The following CNTN1 variants were observed in gnomAD, a reference collection of about 807,000 sequenced individuals.
The protein encoded by CNTN1 is contactin-1.
Under a neutral mutation model 126.4 loss-of-function variants are expected in CNTN1, and 38 were observed. The ratio of observed to expected loss-of-function variants is 0.30; its 90% CI spans 0.23 to 0.39. CNTN1 has a LOEUF of 0.39. CNTN1 is among the 10% of genes least tolerant of loss of function. The pLI is 1.00. For missense variants in CNTN1, 1,009 were observed against 1,248.4 expected (o/e 0.81, Z 2.89); for synonymous variants, 413 against 422.6 (o/e 0.98, Z 0.28).
chr12:40,820,192 A>T (rs533871042), intron 1 of CNTN1, among the ~76,000 whole-genome samples: 1 of 152,316 alleles, frequency 6.6e-6, no homozygotes, highest in African/African-American at 2.4e-5. Flanking sequence ...AGAGAGGGTG[A>T]GGAAGTACCA....
chr12:41,033,819 G>A (rs771133487), intron 23 of CNTN1, among the ~76,000 whole-genome samples: 9 of 151,028 alleles, frequency 6.0e-5, no homozygotes, highest in South Asian at 2.1e-4. Flanking sequence ...CAAGCGGATC[G>A]CGAGGTCAGG....
chr12:40,943,797 G>A (rs1027340580), intron 13 of CNTN1, 73 bp downstream of exon 13: 1 of 1,544,408 alleles, frequency 6.5e-7, no homozygotes, highest in East Asian at 2.3e-5. Context: ...CATCTAAACA[G>A]TCAATGTATT....
intron 23 of CNTN1, among the ~76,000 whole-genome samples, chr12:41,059,828 C>T (rs1298821816): frequency 2.0e-5 from 3 of 152,008 alleles, no homozygotes; most frequent in Non-Finnish European, 4.4e-5. Context: ...AGTTCCAGAC[C>T]AGCCTGGGCA....
chr12:40,980,206 G>A (rs974715054), intron 15 of CNTN1, among the ~76,000 whole-genome samples: 6 of 152,146 alleles, frequency 3.9e-5, no homozygotes, highest in Non-Finnish European at 8.8e-5. Flanking sequence ...GCCTAGGCAT[G>A]AGGATCACTT....
intron 20 of CNTN1, among the ~76,000 whole-genome samples, chr12:41,021,708 A>G (rs1316474686): frequency 6.6e-6 from 1 of 151,060 alleles, no homozygotes; most frequent in Non-Finnish European, 1.5e-5. Context: ...TCATCTATGC[A>G]AGGGTTCAGC....
At chr12:41,067,487 G>C (rs1369430194) in intron 23 of CNTN1, among the ~76,000 whole-genome samples, 2 of 151,890 alleles carry the variant, frequency 1.3e-5, no homozygotes, top group African/African-American at 4.8e-5. Context: ...AAAGGCTTCA[G>C]AATGATGATT....
rs145257404 is a variant in CNTN1 at position 40,724,572 on chromosome 12, A to G, written c.-77+31980A>G. 1.8e-3 allele frequency among the ~76,000 whole-genome samples: 267 copies of G among 152,330 alleles called. 1 individual carries two copies. Among genetic ancestry groups the G allele is most frequent in the South Asian group, 4.6e-3 (22 of 4,834 alleles). On this transcript the variant is annotated intron_variant, in intron 1 of 23. Transcript: ENST00000551295. ...GCTAGAAATATTTTGAAATAGATAC[A>G]TAAGTTTTTTGGAAGAACCTATCTC...
intron 14 of CNTN1, 63 bp from the exon 15 acceptor site, chr12:40,959,051 C>G: frequency 6.2e-7 from 1 of 1,605,152 alleles, no homozygotes; most frequent in South Asian, 1.1e-5. Context: ...CCTCTTGGAT[C>G]TTAAATGCCA....
intron 18 of CNTN1, 141 bp from the exon 19 acceptor site, chr12:41,016,540 TG>T: frequency 1.5e-6 from 1 of 668,410 alleles, no homozygotes; most frequent in Non-Finnish European, 2.7e-6. Flanking sequence ...GTTTTTCCTC[TG>T]ACATTTGGAA....
chr12:41,060,555 C>G (rs1426556071), intron 23 of CNTN1, among the ~76,000 whole-genome samples: 1 of 152,088 alleles, frequency 6.6e-6, no homozygotes, highest in Non-Finnish European at 1.5e-5. Flanking sequence ...TTGATTGAGG[C>G]TGAGAAAAGT....
At chr12:40,940,481 A>G (rs368907512) in intron 12 of CNTN1, among the ~76,000 whole-genome samples, 1 of 152,322 alleles carries the variant, frequency 6.6e-6, no homozygotes. Context: ...TATTACTCAG[A>G]TGTAGAAAAT....
At chr12:41,055,448 C>T (rs973906511) in intron 23 of CNTN1, among the ~76,000 whole-genome samples, 6 of 152,098 alleles carry the variant, frequency 3.9e-5, no homozygotes, top group African/African-American at 7.2e-5. Flanking sequence ...TTTTCTGCTG[C>T]CACCTGGAAG....
chr12:40,993,021 T>C (rs1948129657), intron 16 of CNTN1, 99 bp from the exon 17 acceptor site: 2 of 1,092,162 alleles, frequency 1.8e-6, no homozygotes, highest in South Asian at 2.7e-5. Flanking sequence ...CTCAGTGTAA[T>C]ATATACCATT....
chr12:40,766,003 AGAG>A (rs1366314586), intron 1 of CNTN1, among the ~76,000 whole-genome samples: 3 of 152,186 alleles, frequency 2.0e-5, no homozygotes, highest in African/African-American at 7.2e-5. Context: ...TGGGAAACTA[AGAG>A]GAGGAAAGAC....
chr12:40,973,042 C>A (rs1011393421), intron 15 of CNTN1, among the ~76,000 whole-genome samples: 1 of 151,938 alleles, frequency 6.6e-6, no homozygotes, highest in Non-Finnish European at 1.5e-5. Context: ...AATCATAGGA[C>A]AGATGTGACT....
At chr12:40,783,330 A>C (rs1006682585) in intron 1 of CNTN1, among the ~76,000 whole-genome samples, 1 of 152,078 alleles carries the variant, frequency 6.6e-6, no homozygotes, top group Non-Finnish European at 1.5e-5. Flanking sequence ...TAGCTGTGTG[A>C]GATCAAAAAA....
intron 1 of CNTN1, among the ~76,000 whole-genome samples, chr12:40,872,208 TTGTTTGTGTGTGTGTGTGTGTG>T (rs1249933128): frequency 0.012 from 1,439 of 124,134 alleles, 21 homozygotes; most frequent in African/African-American, 0.039. Context: ...TTCCGTTGCT[TTGTTTGTGTGTGTGTGTGTGTG>T]TGTGTGTGTG....
At chr12:40,894,135 A>G (rs1944325720) in intron 1 of CNTN1, among the ~76,000 whole-genome samples, 1 of 152,160 alleles carries the variant, frequency 6.6e-6, no homozygotes, top group Non-Finnish European at 1.5e-5. Context: ...GCCAAGAACC[A>G]TATTTCTTGG....
intron 1 of CNTN1, among the ~76,000 whole-genome samples, chr12:40,767,815 A>T (rs1343214560): frequency 2.0e-5 from 3 of 152,094 alleles, no homozygotes; most frequent in Non-Finnish European, 4.4e-5. Context: ...TTTCTTATTA[A>T]TTTATATTTT....
Sources: allele counts gnomAD v4.1 joint callset (sites outside exome capture counted in the v4.1 genomes callset), GRCh38; gene constraint gnomAD v4.1.1; transcripts MANE v1.5; gene names NCBI Gene and HGNC (gene_info 2026-07-23, HGNC 2026-07-21).